The following FMN1 variants were observed in gnomAD, a reference collection of about 807,000 sequenced individuals.
FMN1 encodes the protein formin 1.
Under a neutral mutation model 132.4 loss-of-function variants are expected in FMN1, and 110 were observed. That is an observed-to-expected ratio of 0.83 (90% confidence interval 0.71 to 0.97). The LOEUF (loss-of-function observed/expected upper bound fraction) is 0.97. FMN1 is among the 50% of genes least tolerant of loss of function. The pLI is 0.00. For synonymous variants in FMN1, 722 were observed against 651.7 expected, an observed-to-expected ratio of 1.11 and a Z score of -1.64; for missense variants, 1,792 against 1,705.3, an observed-to-expected ratio of 1.05 and a Z score of -0.90.
At chr15:32,906,531 T>C (rs2060428983) in intron 12 of FMN1, among the ~76,000 whole-genome samples, 1 of 152,206 alleles carries the variant, frequency 6.6e-6, no homozygotes, top group South Asian at 2.1e-4. Context: ...ATCTAGTCCT[T>C]TACAGGAAAG....
intron 15 of FMN1, among the ~76,000 whole-genome samples, chr15:32,891,501 T>A (rs887820199): frequency 3.3e-5 from 5 of 152,230 alleles, no homozygotes; most frequent in Admixed American, 2.6e-4. Context: ...GCATTCCAAC[T>A]GGGATTACAG....
intron 18 of FMN1, among the ~76,000 whole-genome samples, chr15:32,801,121 A>G (rs1302041016): frequency 6.6e-6 from 1 of 152,134 alleles, no homozygotes; most frequent in East Asian, 1.9e-4. Context: ...ACATATTGCA[A>G]ATCCTGGTGC....
chr15:32,787,869 G>A (rs1016289630), intron 19 of FMN1, among the ~76,000 whole-genome samples: 1 of 152,086 alleles, frequency 6.6e-6, no homozygotes, highest in African/African-American at 2.4e-5. Flanking sequence ...GTTATTCCAT[G>A]ATAAATTAGC....
intron 6 of FMN1, among the ~76,000 whole-genome samples, chr15:33,039,257 G>C (rs1056932203): frequency 1.1e-4 from 17 of 152,308 alleles, no homozygotes; most frequent in Non-Finnish European, 1.5e-4. Context: ...GAATTCGAAA[G>C]ATAAAGGAAC....
At chr15:32,904,474 T>C (rs924787193) in intron 12 of FMN1, among the ~76,000 whole-genome samples, 4 of 152,030 alleles carry the variant, frequency 2.6e-5, no homozygotes, top group African/African-American at 7.2e-5. Flanking sequence ...GCTGATTGGA[T>C]GGGAGAGGAA....
intron 7 of FMN1, among the ~76,000 whole-genome samples, chr15:32,978,439 G>A (rs938304356): frequency 6.6e-6 from 1 of 152,094 alleles, no homozygotes; most frequent in Non-Finnish European, 1.5e-5. Context: ...TATATCCATG[G>A]AAATGACTTT....
intron 4 of FMN1, among the ~76,000 whole-genome samples, chr15:33,149,497 C>G (rs1262439222): frequency 6.6e-6 from 1 of 152,046 alleles, no homozygotes; most frequent in African/African-American, 2.4e-5. Context: ...ATCCTTATGC[C>G]TAATTTCTTA....
intron 15 of FMN1, among the ~76,000 whole-genome samples, chr15:32,896,735 G>A (rs191493534): frequency 2.6e-5 from 4 of 152,080 alleles, no homozygotes; most frequent in African/African-American, 4.8e-5. Context: ...TGCAGCATAC[G>A]ACAGAATTTA....
chr15:33,162,428 A>C (rs1471922740), intron 3 of FMN1, among the ~76,000 whole-genome samples: 1 of 152,030 alleles, frequency 6.6e-6, no homozygotes, highest in Non-Finnish European at 1.5e-5. Context: ...GAGGAGTTAA[A>C]AAAAAAAAGG....
At chr15:32,835,668 C>T (rs555249711) in intron 17 of FMN1, among the ~76,000 whole-genome samples, 1 of 152,230 alleles carries the variant, frequency 6.6e-6, no homozygotes, top group South Asian at 2.1e-4. Flanking sequence ...GAGTTGACAA[C>T]CTTTCCTTCT....
At chr15:32,802,392 A>G (rs2057510053) in intron 18 of FMN1, among the ~76,000 whole-genome samples, 1 of 152,222 alleles carries the variant, frequency 6.6e-6, no homozygotes, top group African/African-American at 2.4e-5. Context: ...GGAAAAGCAA[A>G]TATGCCTTAG....
chr15:32,854,933 C>A (rs1292398236), intron 17 of FMN1, among the ~76,000 whole-genome samples: 14 of 149,874 alleles, frequency 9.3e-5, no homozygotes, highest in African/African-American at 2.9e-4. Flanking sequence ...AAACAAAAAA[C>A]AAACAAAAAA....
At position 32,886,860 on chromosome 15, in the gene FMN1, T is replaced by C. The variant is rs140190919; in HGVS notation, c.3835+1312A>G. ...TAGCTTACTACGCTTTATTACAATA[T>C]TAATCAAGCTCCTCAACTTCAACAA... On this transcript the variant is annotated intron_variant, in intron 16 of 20. Coordinates refer to ENST00000616417, the MANE Select transcript of FMN1 (RefSeq NM_001277313.2). 3.8e-3 allele frequency among the ~76,000 whole-genome samples: 572 copies of C among 152,260 alleles called. 1 individual carries two copies. Among genetic ancestry groups the C allele is most frequent in the Non-Finnish European group, 5.7e-3 (388 of 68,018 alleles).
chr15:33,034,968 A>T (rs1433725418), intron 6 of FMN1, among the ~76,000 whole-genome samples: 1 of 152,172 alleles, frequency 6.6e-6, no homozygotes, highest in Non-Finnish European at 1.5e-5. Flanking sequence ...GTTCTAAATC[A>T]AGGGTTCCTT....
chr15:32,806,507 G>A (rs1409075833), intron 17 of FMN1, among the ~76,000 whole-genome samples: 1 of 152,202 alleles, frequency 6.6e-6, no homozygotes, highest in African/African-American at 2.4e-5. Flanking sequence ...ATTTTAAAAT[G>A]TAAAGGCTCC....
At chr15:33,132,130 C>G (rs1230398333) in intron 4 of FMN1, among the ~76,000 whole-genome samples, 1 of 152,124 alleles carries the variant, frequency 6.6e-6, no homozygotes, top group Non-Finnish European at 1.5e-5. Flanking sequence ...TCCCTCCTTT[C>G]TTTATTCCCA....
intron 12 of FMN1, among the ~76,000 whole-genome samples, chr15:32,906,259 A>C (rs1343172473): frequency 6.6e-6 from 1 of 152,194 alleles, no homozygotes; most frequent in Admixed American, 6.5e-5. Flanking sequence ...AAACCAGGCC[A>C]CCACTTGTTT....
intron 15 of FMN1, among the ~76,000 whole-genome samples, chr15:32,890,925 G>A (rs1312763394): frequency 6.6e-6 from 1 of 152,190 alleles, no homozygotes; most frequent in Non-Finnish European, 1.5e-5. Context: ...TAAGGTGAGA[G>A]ATGAGGATCC....
intron 9 of FMN1, among the ~76,000 whole-genome samples, chr15:32,930,216 T>C (rs916878197): frequency 6.6e-6 from 1 of 152,058 alleles, no homozygotes; most frequent in Admixed American, 6.6e-5. Flanking sequence ...CTCTATCTCC[T>C]GACCTCATGA....
Sources: allele counts gnomAD v4.1 joint callset (sites outside exome capture counted in the v4.1 genomes callset), GRCh38; gene constraint gnomAD v4.1.1; transcripts MANE v1.5; gene names NCBI Gene and HGNC (gene_info 2026-07-23, HGNC 2026-07-21).